The following TMEM232 variants were observed in gnomAD, a reference collection of about 807,000 sequenced individuals.
TMEM232 encodes transmembrane protein 232.
A neutral mutation model predicts 78.8 loss-of-function variants in TMEM232; 80 were observed. That is an observed-to-expected ratio of 1.01 (90% CI 0.85 to 1.22). The LOEUF (loss-of-function observed/expected upper bound fraction) is 1.22. Ranked by LOEUF, TMEM232 falls within the 50% of genes most tolerant of loss-of-function variation. The pLI, the probability that TMEM232 is intolerant of heterozygous loss-of-function variation, is 0.00. For synonymous variants in TMEM232, 297 were observed against 254.3 expected, an observed-to-expected ratio of 1.17 and a Z score of -1.60; for missense variants, 881 against 742.2, an observed-to-expected ratio of 1.19 and a Z score of -2.17.
intron 1 of TMEM232, among the ~76,000 whole-genome samples, chr5:110,717,660 G>T (rs1797156558): frequency 6.6e-6 from 1 of 152,152 alleles, no homozygotes; most frequent in African/African-American, 2.4e-5. Context: ...CACATGTTGA[G>T]AGAGGAACTT....
intron 12 of TMEM232, among the ~76,000 whole-genome samples, chr5:110,524,379 G>T (rs866373713): frequency 1.7e-5 from 1 of 59,470 alleles, no homozygotes; most frequent in African/African-American, 6.8e-5. Flanking sequence ...AAGAAAGAAA[G>T]AAAGAAAGAA....
chr5:110,465,228 T>C (rs1761947960), intron 12 of TMEM232, among the ~76,000 whole-genome samples: 1 of 152,218 alleles, frequency 6.6e-6, no homozygotes, highest in African/African-American at 2.4e-5. Context: ...CTTGGCAAAA[T>C]ATTATATCTG....
intron 12 of TMEM232, among the ~76,000 whole-genome samples, chr5:110,495,852 T>A (rs903480885): frequency 6.6e-6 from 1 of 151,614 alleles, no homozygotes; most frequent in African/African-American, 2.4e-5. Flanking sequence ...TATTATTAAA[T>A]ATCAATTGAA....
At chr5:110,662,282 T>C (rs1789904076) in intron 2 of TMEM232, among the ~76,000 whole-genome samples, 2 of 152,134 alleles carry the variant, frequency 1.3e-5, no homozygotes, top group Non-Finnish European at 2.9e-5. Flanking sequence ...ACAATGCCTC[T>C]GTGAACAATA....
At chr5:110,508,865 TAC>T (rs905961831) in intron 12 of TMEM232, among the ~76,000 whole-genome samples, 28 of 144,736 alleles carry the variant, frequency 1.9e-4, no homozygotes, top group Admixed American at 1.1e-3. Context: ...TATATATATA[TAC>T]ACACACACAT....
upstream of TMEM232, among the ~76,000 whole-genome samples, chr5:110,729,591 G>T (rs138671912): frequency 1.6e-4 from 25 of 152,324 alleles, no homozygotes; most frequent in African/African-American, 5.8e-4. Flanking sequence ...GTTGGAATAT[G>T]ACAGAAGTTT....
intron 3 of TMEM232, among the ~76,000 whole-genome samples, chr5:110,393,062 T>C (rs1188204980): frequency 6.6e-6 from 1 of 152,222 alleles, no homozygotes; most frequent in East Asian, 1.9e-4. Context: ...TTATTTTAAA[T>C]TTATTGATGT....
chr5:110,567,358 A>T (rs1776460369), intron 11 of TMEM232, among the ~76,000 whole-genome samples: 5 of 151,764 alleles, frequency 3.3e-5, no homozygotes, highest in African/African-American at 1.2e-4. Context: ...TATAGCATGT[A>T]TGTTAATATT....
chr5:110,689,348 A>G (rs1218962169), intron 1 of TMEM232, among the ~76,000 whole-genome samples: 1 of 152,226 alleles, frequency 6.6e-6, no homozygotes, highest in Non-Finnish European at 1.5e-5. Flanking sequence ...CAACTGATTC[A>G]TAACTACTAT....
chr5:110,701,585 A>G (rs1466053291), intron 1 of TMEM232, among the ~76,000 whole-genome samples: 1 of 152,042 alleles, frequency 6.6e-6, no homozygotes, highest in Admixed American at 6.6e-5. Context: ...TAAGCAATTA[A>G]TATTTTACTG....
At chr5:110,522,469 T>C (rs1769685263) in intron 12 of TMEM232, among the ~76,000 whole-genome samples, 1 of 152,206 alleles carries the variant, frequency 6.6e-6, no homozygotes, top group Non-Finnish European at 1.5e-5. Context: ...ATAGCAAGAA[T>C]GGAATCCTTG....
At chr5:110,618,633 A>C (rs1783238790) in intron 7 of TMEM232, 71 bp from the exon 8 acceptor site, 1 of 1,381,842 alleles carries the variant, frequency 7.2e-7, no homozygotes, top group African/African-American at 1.5e-5. Context: ...TGACTTGAAC[A>C]AACATGAAAA....
At chr5:110,551,992 G>C (rs1008731756) in intron 11 of TMEM232, among the ~76,000 whole-genome samples, 4 of 151,870 alleles carry the variant, frequency 2.6e-5, no homozygotes, top group Admixed American at 6.6e-5. Flanking sequence ...TACTGAATTA[G>C]GTTCATCACA....
intron 12 of TMEM232, among the ~76,000 whole-genome samples, chr5:110,484,443 A>C (rs1321976187): frequency 1.3e-5 from 2 of 152,186 alleles, no homozygotes; most frequent in African/African-American, 4.8e-5. Context: ...CATATAGAAA[A>C]AAATGAAAAA....
At chr5:110,521,792 C>T (rs1176678746) in intron 12 of TMEM232, among the ~76,000 whole-genome samples, 1 of 152,016 alleles carries the variant, frequency 6.6e-6, no homozygotes, top group Non-Finnish European at 1.5e-5. Context: ...ATTTCTGGTC[C>T]CTCTATTCTG....
intron 10 of TMEM232, among the ~76,000 whole-genome samples, chr5:110,595,904 C>T (rs899385501): frequency 6.6e-6 from 1 of 152,014 alleles, no homozygotes; most frequent in Non-Finnish European, 1.5e-5. Context: ...GGCCAACATG[C>T]AAATTCAGGA....
At chr5:110,460,658 T>C (rs1761416898) in intron 12 of TMEM232, among the ~76,000 whole-genome samples, 1 of 149,586 alleles carries the variant, frequency 6.7e-6, no homozygotes, top group African/African-American at 2.5e-5. Flanking sequence ...ATTGCACAGA[T>C]ATTGCATTTT....
intron 12 of TMEM232, among the ~76,000 whole-genome samples, chr5:110,460,670 CTTT>C (rs34537993): frequency 7.2e-6 from 1 of 139,048 alleles, no homozygotes; most frequent in Non-Finnish European, 1.6e-5. Context: ...TTGCATTTTT[CTTT>C]TTTTTTTTTT....
chr5:110,638,358 G>A lies in TMEM232; in HGVS notation c.344-3C>T, dbSNP rs895589151. On this transcript the variant is annotated splice_polypyrimidine_tract_variant and splice_region_variant and intron_variant, in intron 4 of 13. Coordinates refer to ENST00000455884, the MANE Select transcript of TMEM232 (RefSeq NM_001039763.4). ...TGCATAAAGCATATTTAAAGATTCT[G>A]AAATATTAAAAATATAGAAACTGCA... 29 of 1,525,440 alleles carry A rather than the reference G, an allele frequency of 1.9e-5. No homozygotes were observed. The highest frequency in any genetic ancestry group is 2.5e-5 in the Non-Finnish European group (29 of 1,137,914). 94.5% of individuals were successfully genotyped at this position (1,525,440 alleles called of 1,614,324 possible). A position where few individuals can be genotyped will look rare whatever the true frequency, so the allele number is the denominator to read the frequency against.
Sources: gnomAD v4.1 joint callset for allele counts (sites outside exome capture counted in the v4.1 genomes callset) on GRCh38, gnomAD v4.1.1 for gene constraint, MANE v1.5 for transcripts, NCBI Gene and HGNC (gene_info 2026-07-23, HGNC 2026-07-21) for gene names.